EPB41L2: variants seen among roughly 807,000 people sequenced by gnomAD.
EPB41L2 encodes band 4.1-like protein 2.
In EPB41L2, 43 loss-of-function variants were observed where a neutral mutation model predicts 113.0. The observed-to-expected ratio is 0.38, with a 90% CI of 0.30 to 0.49. The LOEUF is 0.49. Ranked by LOEUF, EPB41L2 falls within the 20% of genes least tolerant of loss-of-function variation. EPB41L2 has a pLI of 0.95. For synonymous variants in EPB41L2, 442 were observed against 436.7 expected, an observed-to-expected ratio of 1.01 and a Z score of -0.15; for missense variants, 1,147 against 1,223.4, an observed-to-expected ratio of 0.94 and a Z score of 0.93.
chr6:131,005,637 C>G (rs1361583103), intron 1 of EPB41L2, among the ~76,000 whole-genome samples: 1 of 152,174 alleles, frequency 6.6e-6, no homozygotes, highest in Admixed American at 6.5e-5. Flanking sequence ...GGGCAGAAGA[C>G]TATGCGAGTG....
At chr6:130,946,369 G>A (rs1812812935) in intron 3 of EPB41L2, among the ~76,000 whole-genome samples, 3 of 151,998 alleles carry the variant, frequency 2.0e-5, no homozygotes, top group Non-Finnish European at 4.4e-5. Flanking sequence ...CAATGTTTAT[G>A]TTCATTTATT....
chr6:130,927,962 G>A (rs1019593420), intron 3 of EPB41L2, among the ~76,000 whole-genome samples: 2 of 151,986 alleles, frequency 1.3e-5, no homozygotes, highest in Admixed American at 6.6e-5. Context: ...GTGTGGTGGC[G>A]TGTGCTTGTA....
At chr6:130,861,602 T>C (rs761152698) in intron 18 of EPB41L2, among the ~76,000 whole-genome samples, 8 of 152,122 alleles carry the variant, frequency 5.3e-5, no homozygotes, top group Non-Finnish European at 1.2e-4. Context: ...CCAGGTGTGG[T>C]AGCTCACGAC....
chr6:130,945,877 T>C (rs1264001865), intron 3 of EPB41L2, among the ~76,000 whole-genome samples: 1 of 152,114 alleles, frequency 6.6e-6, no homozygotes, highest in African/African-American at 2.4e-5. Flanking sequence ...AGTATGTAAA[T>C]GACCTTAGCA....
chr6:130,954,871 T>G (rs922848782), intron 3 of EPB41L2, among the ~76,000 whole-genome samples: 1 of 152,174 alleles, frequency 6.6e-6, no homozygotes, highest in African/African-American at 2.4e-5. Context: ...CACCCAGTCA[T>G]TAACACACGA....
intron 1 of EPB41L2, among the ~76,000 whole-genome samples, chr6:130,995,665 T>C (rs774838125): frequency 2.0e-4 from 31 of 152,220 alleles, no homozygotes; most frequent in Non-Finnish European, 2.9e-4. Flanking sequence ...TCGGGGTTCA[T>C]AGTACATAGT....
At chr6:130,899,409 T>C in intron 8 of EPB41L2, 82 bp downstream of exon 8, 1 of 1,067,290 alleles carries the variant, frequency 9.4e-7, no homozygotes, top group South Asian at 1.4e-5. Context: ...AAAAATAAGC[T>C]GTGCTATCCT....
At chr6:131,062,316 CCAG>C (rs1280195978) in intron 1 of EPB41L2, 1 of 151,982 alleles carries the variant, frequency 6.6e-6, no homozygotes, top group Non-Finnish European at 1.5e-5. Context: ...GATGGCGTCC[CCAG>C]ACGCCGACTT....
chr6:130,965,655 AAAAAAAG>A (rs1774936183), intron 1 of EPB41L2, among the ~76,000 whole-genome samples: 2 of 151,890 alleles, frequency 1.3e-5, no homozygotes, highest in Non-Finnish European at 2.9e-5. Context: ...AAAAAAAAAA[AAAAAAAG>A]AAAGAAAGAA....
chr6:130,974,496 G>A (rs9375787), intron 1 of EPB41L2, among the ~76,000 whole-genome samples: 22,316 of 151,926 alleles, frequency 0.15, 2,298 homozygotes, highest in East Asian at 0.45. Flanking sequence ...TCAAAAAAAC[G>A]TTGGGAGAAT....
intron 3 of EPB41L2, among the ~76,000 whole-genome samples, chr6:130,950,352 A>T (rs1270038958): frequency 6.6e-6 from 1 of 151,648 alleles, no homozygotes; most frequent in African/African-American, 2.4e-5. Context: ...TAAAAAGGCA[A>T]ACGACACTAG....
At chr6:130,871,707 GT>G (rs1451624909) in intron 14 of EPB41L2, among the ~76,000 whole-genome samples, 1 of 152,130 alleles carries the variant, frequency 6.6e-6, no homozygotes, top group African/African-American at 2.4e-5. Context: ...TATCTTTCCA[GT>G]TTTATTGAAA....
intron 1 of EPB41L2, among the ~76,000 whole-genome samples, chr6:131,060,360 A>G (rs1798417587): frequency 6.6e-6 from 1 of 152,258 alleles, no homozygotes; most frequent in Admixed American, 6.5e-5. Context: ...ATAACTGTAC[A>G]ATATTACTAA....
intron 1 of EPB41L2, among the ~76,000 whole-genome samples, chr6:131,029,273 A>G (rs917918962): frequency 5.9e-5 from 9 of 152,084 alleles, no homozygotes; most frequent in East Asian, 1.9e-4. Flanking sequence ...TATACTTGGG[A>G]AAAGCATCAA....
chr6:130,931,319 T>C (rs1038869533), intron 3 of EPB41L2, among the ~76,000 whole-genome samples: 2 of 152,122 alleles, frequency 1.3e-5, no homozygotes, highest in South Asian at 4.2e-4. Context: ...TAAATAGCTA[T>C]AATAAAGTCA....
chr6:131,049,223 T>C (rs1375366356), intron 1 of EPB41L2, among the ~76,000 whole-genome samples: 3 of 152,202 alleles, frequency 2.0e-5, no homozygotes, highest in Admixed American at 2.0e-4. Flanking sequence ...TTCCCATATG[T>C]GTATAATTTA....
At chr6:130,952,819 A>AG (rs1002108010) in intron 3 of EPB41L2, among the ~76,000 whole-genome samples, 2 of 151,938 alleles carry the variant, frequency 1.3e-5, no homozygotes, top group African/African-American at 4.8e-5. Context: ...CAAAAAAAAA[A>AG]AATCTAAAAC....
intron 19 of EPB41L2, among the ~76,000 whole-genome samples, chr6:130,847,943 TG>T (rs1487448862): frequency 6.6e-6 from 1 of 152,140 alleles, no homozygotes; most frequent in Non-Finnish European, 1.5e-5. Context: ...GTTCATAAGA[TG>T]GGTAGTAATG....
chr6:130,967,466 A>G (rs540175365), intron 1 of EPB41L2, among the ~76,000 whole-genome samples: 1 of 149,722 alleles, frequency 6.7e-6, no homozygotes, highest in South Asian at 2.2e-4. Flanking sequence ...GTGCATATGC[A>G]GGCAGCGTAA....
Sources: gnomAD v4.1 joint callset for allele counts (sites outside exome capture counted in the v4.1 genomes callset) on GRCh38, gnomAD v4.1.1 for gene constraint, MANE v1.5 for transcripts, NCBI Gene and HGNC (gene_info 2026-07-23, HGNC 2026-07-21) for gene names.